SLC24A3: variants seen among roughly 807,000 people sequenced by gnomAD.
SLC24A3 encodes solute carrier family 24 member 3.
In SLC24A3, 28 loss-of-function variants were observed where a neutral mutation model predicts 75.8. That is an observed-to-expected ratio of 0.37 (90% confidence interval 0.27 to 0.51). The LOEUF (loss-of-function observed/expected upper bound fraction) is 0.51. Ranked by LOEUF, SLC24A3 falls within the 20% of genes least tolerant of loss-of-function variation. The probability of loss-of-function intolerance (pLI) is 0.94; values close to 1 mark genes in which losing one functional copy is unlikely to be tolerated. For synonymous variants in SLC24A3, 372 were observed against 334.1 expected, an observed-to-expected ratio of 1.11 and a Z score of -1.24; for missense variants, 663 against 847.8, an observed-to-expected ratio of 0.78 and a Z score of 2.71.
chr20:19,648,289 T>C (rs1180918134), intron 6 of SLC24A3, among the ~76,000 whole-genome samples: 2 of 152,190 alleles, frequency 1.3e-5, no homozygotes, highest in Non-Finnish European at 2.9e-5. Flanking sequence ...GAGATGAGAA[T>C]TGGCTGTAGA....
At chr20:19,294,293 T>A (rs1050304426) in intron 2 of SLC24A3, among the ~76,000 whole-genome samples, 2 of 152,126 alleles carry the variant, frequency 1.3e-5, no homozygotes, top group African/African-American at 4.8e-5. Flanking sequence ...AAAGAAAAAA[T>A]TTAATTGTAT....
intron 1 of SLC24A3, among the ~76,000 whole-genome samples, chr20:19,268,635 T>C (rs1983235823): frequency 6.6e-6 from 1 of 152,188 alleles, no homozygotes; most frequent in Non-Finnish European, 1.5e-5. Context: ...AGATGACAAA[T>C]TTCTGCTATC....
rs559649560 is a variant in SLC24A3, at chr20:19,708,463, C to T, written c.1720-9065C>T. On this transcript the variant is annotated intron_variant, in intron 15 of 16. Coordinates refer to ENST00000328041, the MANE Select transcript of SLC24A3 (RefSeq NM_020689.4). Reference sequence around the variant, plus strand: ...GGCTCCCAGCACCAGGACACTGCTCCCTCTGCTAGAACCAGTCTTCCCTTT... The same window carrying T: ...GGCTCCCAGCACCAGGACACTGCTCTCTCTGCTAGAACCAGTCTTCCCTTT... 3.9e-5 allele frequency among the ~76,000 whole-genome samples: 6 copies of T among 152,352 alleles called. No individual in the cohort carries two copies. In the East Asian group the frequency reaches 1.2e-3, roughly 29 times the overall value.
chr20:19,558,327 A>C (rs567585634), intron 3 of SLC24A3, among the ~76,000 whole-genome samples: 75 of 152,212 alleles, frequency 4.9e-4, no homozygotes, highest in African/African-American at 1.8e-3. Context: ...ATTTTGAAAT[A>C]ATTTTAGATA....
intron 2 of SLC24A3, among the ~76,000 whole-genome samples, chr20:19,456,103 A>G (rs1277111517): frequency 6.6e-6 from 1 of 151,990 alleles, no homozygotes; most frequent in Non-Finnish European, 1.5e-5. Context: ...TTCCATCTGT[A>G]TCTGTAACAC....
At chr20:19,653,730 G>C (rs1427656338) in intron 6 of SLC24A3, among the ~76,000 whole-genome samples, 1 of 152,198 alleles carries the variant, frequency 6.6e-6, no homozygotes, top group Non-Finnish European at 1.5e-5. Context: ...CTGCGTGCCA[G>C]CTAGGACAGT....
chr20:19,462,738 GA>G (rs1323769706), intron 2 of SLC24A3, among the ~76,000 whole-genome samples: 1 of 152,166 alleles, frequency 6.6e-6, no homozygotes, highest in Non-Finnish European at 1.5e-5. Context: ...CCATCACCAT[GA>G]AGTCAATGAG....
At chr20:19,465,651 G>A (rs1987752927) in intron 2 of SLC24A3, among the ~76,000 whole-genome samples, 1 of 152,136 alleles carries the variant, frequency 6.6e-6, no homozygotes, top group South Asian at 2.1e-4. Context: ...ACCAACTGTG[G>A]CCTCCTCTTA....
At chr20:19,424,745 C>CAAAAAAAAAA (rs528342351) in intron 2 of SLC24A3, among the ~76,000 whole-genome samples, 1 of 49,160 alleles carries the variant, frequency 2.0e-5, no homozygotes. Flanking sequence ...AAAACAACAA[C>CAAAAAAAAAA]AAAAAAAAAA....
chr20:19,505,152 T>G (rs1012706442), intron 2 of SLC24A3, among the ~76,000 whole-genome samples: 6 of 152,200 alleles, frequency 3.9e-5, no homozygotes, highest in African/African-American at 1.4e-4. Context: ...GTGGGCTGAT[T>G]GTTTAAAATC....
At chr20:19,603,633 A>G (rs886255666) in intron 6 of SLC24A3, among the ~76,000 whole-genome samples, 1 of 152,238 alleles carries the variant, frequency 6.6e-6, no homozygotes, top group African/African-American at 2.4e-5. Flanking sequence ...ATCAGAAGAA[A>G]GAAGAGGTTT....
At chr20:19,418,181 G>T (rs1429220088) in intron 2 of SLC24A3, among the ~76,000 whole-genome samples, 1 of 152,062 alleles carries the variant, frequency 6.6e-6, no homozygotes, top group Non-Finnish European at 1.5e-5. Context: ...TGGAAAAGCA[G>T]GACAAAAAGG....
intron 2 of SLC24A3, among the ~76,000 whole-genome samples, chr20:19,481,981 G>C (rs577091733): frequency 6.6e-6 from 1 of 152,110 alleles, no homozygotes; most frequent in Admixed American, 6.5e-5. Context: ...TTCCTCCCGG[G>C]TTCCCACCCT....
intron 2 of SLC24A3, among the ~76,000 whole-genome samples, chr20:19,372,061 A>T (rs1986002241): frequency 6.6e-6 from 1 of 152,196 alleles, no homozygotes; most frequent in Non-Finnish European, 1.5e-5. Flanking sequence ...GATGTGTAGG[A>T]CAATTGCTTA....
At chr20:19,492,978 T>TA (rs141745326) in intron 2 of SLC24A3, among the ~76,000 whole-genome samples, 17,382 of 152,178 alleles carry the variant, frequency 0.11, 1,072 homozygotes, top group Middle Eastern at 0.13. Flanking sequence ...ATGGTATTTC[T>TA]AATCTTTCCA....
intron 3 of SLC24A3, among the ~76,000 whole-genome samples, chr20:19,554,601 T>G (rs1005752189): frequency 7.2e-5 from 11 of 151,994 alleles, no homozygotes; most frequent in African/African-American, 2.7e-4. Flanking sequence ...GGAGTTGTTG[T>G]TAAGCCTAAA....
In SLC24A3 at chr20:19,454,719, G is replaced by A. The variant is rs140404565; in HGVS notation, c.272-60769G>A. Among the ~76,000 whole-genome samples, 323 of 152,248 alleles carry A rather than the reference G, an allele frequency of 2.1e-3. 1 individual carries two copies. Among genetic ancestry groups the A allele is most frequent in the African/African-American group, 7.4e-3 (306 of 41,548 alleles). ...TAACCACAAAGTATAATGAAGAACC[G>A]GGATTTTAGGCTATCTGCACAACCT... On this transcript the variant is annotated intron_variant, in intron 2 of 16. Coordinates refer to ENST00000328041, the MANE Select transcript of SLC24A3 (RefSeq NM_020689.4).
Position 19,404,213 on chromosome 20 carries a change from C to T in SLC24A3, c.272-111275C>T, listed in dbSNP as rs61505333. On this transcript the variant is annotated intron_variant, in intron 2 of 16. Coordinates refer to ENST00000328041, the MANE Select transcript of SLC24A3 (RefSeq NM_020689.4). The stretch of plus-strand genomic sequence containing the variant: ...CCTACTATGTGTGTCAGGTACTCTC[C>T]TGGGAGCTGGGAATATCTCGGTTAA... 1.0e-2 allele frequency among the ~76,000 whole-genome samples: 1,522 copies of T among 152,280 alleles called. 23 individuals are homozygous for T. The highest frequency in any genetic ancestry group is 0.033 in the African/African-American group (1,389 of 41,538).
chr20:19,712,465 T>C (rs1034884298), intron 15 of SLC24A3, among the ~76,000 whole-genome samples: 1 of 152,068 alleles, frequency 6.6e-6, no homozygotes, highest in South Asian at 2.1e-4. Flanking sequence ...AAAGGACTTA[T>C]GGCAGGATGG....
Sources: allele counts gnomAD v4.1 joint callset (sites outside exome capture counted in the v4.1 genomes callset), GRCh38; gene constraint gnomAD v4.1.1; transcripts MANE v1.5; gene names NCBI Gene and HGNC (gene_info 2026-07-23, HGNC 2026-07-21).